Variants in NCKAP5 observed in about 807,000 individuals in gnomAD.
The protein encoded by NCKAP5 is nck-associated protein 5.
Under a neutral mutation model 167.0 loss-of-function variants are expected in NCKAP5, and 92 were observed. That is an observed-to-expected ratio of 0.55 (90% CI 0.47 to 0.66). NCKAP5 has a LOEUF of 0.66. NCKAP5 is among the 30% of genes least tolerant of loss of function. The pLI is 0.00. For missense variants in NCKAP5, 2,378 were observed against 2,315.0 expected, an observed-to-expected ratio of 1.03 and a Z score of -0.56; for synonymous variants, 891 against 877.4, an observed-to-expected ratio of 1.02 and a Z score of -0.27.
chr2:132,819,211 G>A (rs1686520102), intron 11 of NCKAP5, among the ~76,000 whole-genome samples: 1 of 152,132 alleles, frequency 6.6e-6, no homozygotes, highest in African/African-American at 2.4e-5. Flanking sequence ...TCCCACATGT[G>A]TGAACAGGAA....
intron 3 of NCKAP5, among the ~76,000 whole-genome samples, chr2:133,504,879 A>C (rs78316315): frequency 0.065 from 9,857 of 152,190 alleles, 359 homozygotes; most frequent in South Asian, 0.16. Flanking sequence ...TATCGGAGCA[A>C]AGGCAGTCAG....
chr2:133,401,432 C>G (rs1391670092), intron 3 of NCKAP5, among the ~76,000 whole-genome samples: 1 of 152,168 alleles, frequency 6.6e-6, no homozygotes, highest in Non-Finnish European at 1.5e-5. Context: ...TGTAGCCTGT[C>G]AGTCCTATGT....
chr2:133,325,516 T>C (rs1306735637), intron 3 of NCKAP5, among the ~76,000 whole-genome samples: 1 of 152,210 alleles, frequency 6.6e-6, no homozygotes, highest in East Asian at 1.9e-4. Context: ...CCTAAGCTCT[T>C]GCATCTCTAG....
intron 6 of NCKAP5, among the ~76,000 whole-genome samples, chr2:133,023,407 T>C (rs751525167): frequency 1.3e-5 from 2 of 152,240 alleles, no homozygotes; most frequent in African/African-American, 2.4e-5. Flanking sequence ...CTGTTTCTCC[T>C]TTAAGTAAAG....
chr2:132,951,604 A>G (rs997677615), intron 8 of NCKAP5, among the ~76,000 whole-genome samples: 1 of 152,196 alleles, frequency 6.6e-6, no homozygotes, highest in African/African-American at 2.4e-5. Context: ...CACCCTCAAA[A>G]GGTTGCTATC....
At chr2:133,625,938 G>C in the NCKAP5 span, among the ~76,000 whole-genome samples, 1 of 150,846 alleles carries the variant, frequency 6.6e-6, no homozygotes, top group Non-Finnish European at 1.5e-5. Flanking sequence ...AAATACACAA[G>C]TTCATAATAA....
chr2:133,144,944 A>G (rs1039540365), intron 5 of NCKAP5, among the ~76,000 whole-genome samples: 12 of 152,118 alleles, frequency 7.9e-5, no homozygotes, highest in African/African-American at 2.7e-4. Context: ...TAATCTCAAC[A>G]TTAGATAATT....
chr2:133,132,218 C>T lies in NCKAP5; in HGVS notation c.208-2107G>A, dbSNP rs557216435. Among the ~76,000 whole-genome samples the T allele has an allele frequency of 3.3e-5, 5 of 149,614 alleles. No individual in the cohort carries two copies. The South Asian group carries it at 6.4e-4, about 19-fold the overall frequency. ...CAGTGAATTGCTTGAACCCAGGAGG[C>T]GGAGGTTGCAGTGAGCCGAGATTAC... On this transcript the variant is annotated intron_variant, in intron 5 of 19. Transcript: ENST00000409261.
chr2:133,563,148 T>C (rs1267012386), intron 1 of NCKAP5, among the ~76,000 whole-genome samples: 1 of 152,218 alleles, frequency 6.6e-6, no homozygotes, highest in Admixed American at 6.5e-5. Flanking sequence ...AAACATTATT[T>C]CCAATTTTTT....
intron 8 of NCKAP5, among the ~76,000 whole-genome samples, chr2:132,918,062 T>C (rs1258518599): frequency 2.0e-5 from 3 of 152,136 alleles, no homozygotes; most frequent in African/African-American, 7.2e-5. Context: ...ATTTAATGAG[T>C]TTACCTTTTA....
chr2:133,036,171 G>A (rs1430125435), intron 6 of NCKAP5, among the ~76,000 whole-genome samples: 2 of 151,804 alleles, frequency 1.3e-5, no homozygotes, highest in African/African-American at 4.8e-5. Flanking sequence ...CAAGATCGAT[G>A]CCACAATAAA....
chr2:133,310,873 G>A (rs764620585), intron 3 of NCKAP5, among the ~76,000 whole-genome samples: 2 of 152,234 alleles, frequency 1.3e-5, no homozygotes, highest in Non-Finnish European at 2.9e-5. Flanking sequence ...AGGTTTTGAT[G>A]ATCATGGAGA....
chr2:132,706,378 A>G (rs909830233), intron 19 of NCKAP5, among the ~76,000 whole-genome samples: 2 of 152,204 alleles, frequency 1.3e-5, no homozygotes, highest in Admixed American at 1.3e-4. Flanking sequence ...CTGGGAAAAG[A>G]GAGATTTAGG....
chr2:133,204,236 G>T (rs1052496442), intron 5 of NCKAP5, among the ~76,000 whole-genome samples: 2 of 151,900 alleles, frequency 1.3e-5, no homozygotes, highest in African/African-American at 4.8e-5. Flanking sequence ...TTTTCTATCA[G>T]ATTGATACTG....
At chr2:133,095,231 A>G (rs867439923) in intron 6 of NCKAP5, among the ~76,000 whole-genome samples, 1 of 152,214 alleles carries the variant, frequency 6.6e-6, no homozygotes, top group African/African-American at 2.4e-5. Context: ...TTCAATAGTA[A>G]GTCTTAGGAA....
chr2:133,316,501 G>T (rs558064482), intron 3 of NCKAP5, among the ~76,000 whole-genome samples: 1 of 152,276 alleles, frequency 6.6e-6, no homozygotes, highest in Admixed American at 6.5e-5. Context: ...CAAGAAAGAG[G>T]TTACTTCCTG....
the NCKAP5 span, among the ~76,000 whole-genome samples, chr2:133,615,683 C>A: frequency 6.6e-6 from 1 of 152,102 alleles, no homozygotes; most frequent in Non-Finnish European, 1.5e-5. Flanking sequence ...GAGACTTAGA[C>A]CCCCACACAT....
At chr2:132,884,076 TC>T (rs1692014722) in intron 8 of NCKAP5, among the ~76,000 whole-genome samples, 1 of 152,160 alleles carries the variant, frequency 6.6e-6, no homozygotes, top group Non-Finnish European at 1.5e-5. Context: ...TGTTTCTTCT[TC>T]AGGTTACAGT....
intron 16 of NCKAP5, among the ~76,000 whole-genome samples, chr2:132,758,346 TGTAA>T (rs1680725142): frequency 6.6e-6 from 1 of 152,220 alleles, no homozygotes; most frequent in African/African-American, 2.4e-5. Context: ...ATAGGGTTTT[TGTAA>T]ATCTACAAGT....
Sources: gnomAD v4.1 joint callset for allele counts (sites outside exome capture counted in the v4.1 genomes callset) on GRCh38, gnomAD v4.1.1 for gene constraint, MANE v1.5 for transcripts, NCBI Gene and HGNC (gene_info 2026-07-23, HGNC 2026-07-21) for gene names.